Variants in FAM151B observed in about 807,000 individuals in gnomAD.
FAM151B encodes protein FAM151B.
A neutral mutation model predicts 31.2 loss-of-function variants in FAM151B; 24 were observed. The ratio of observed to expected loss-of-function variants is 0.77; its 90% CI spans 0.56 to 1.08. The LOEUF (loss-of-function observed/expected upper bound fraction) is 1.08. Ranked by LOEUF, FAM151B falls within the 50% of genes least tolerant of loss-of-function variation. FAM151B has a pLI of 0.00. For synonymous variants in FAM151B, 105 were observed against 111.4 expected (o/e 0.94, Z 0.36); for missense variants, 293 against 328.6 (o/e 0.89, Z 0.84).
intron 3 of FAM151B, among the ~76,000 whole-genome samples, chr5:80,518,075 G>GAAAA (rs796173147): frequency 2.7e-5 from 2 of 72,786 alleles, no homozygotes; most frequent in African/African-American, 5.7e-5. Flanking sequence ...CCATCTCAAA[G>GAAAA]AAAAAAAAAA....
At chr5:80,526,382 C>A (rs909811128) in intron 5 of FAM151B, among the ~76,000 whole-genome samples, 1 of 150,224 alleles carries the variant, frequency 6.7e-6, no homozygotes, top group African/African-American at 2.5e-5. Flanking sequence ...CCAAGGCGGG[C>A]GGATCACCTG....
intron 2 of FAM151B, among the ~76,000 whole-genome samples, chr5:80,512,394 ATG>A (rs1025572174): frequency 5.3e-5 from 8 of 152,210 alleles, no homozygotes; most frequent in Non-Finnish European, 7.3e-5. Flanking sequence ...GCTTGCAAAA[ATG>A]TGTGTTATTA....
chr5:80,495,508 T>C (rs898252883), intron 1 of FAM151B, among the ~76,000 whole-genome samples: 4 of 152,048 alleles, frequency 2.6e-5, no homozygotes, highest in African/African-American at 4.8e-5. Context: ...AATACTTCAA[T>C]AGAGGATGTA....
chr5:80,530,826 T>C, intron 5 of FAM151B, among the ~76,000 whole-genome samples: 1 of 152,160 alleles, frequency 6.6e-6, no homozygotes, highest in Non-Finnish European at 1.5e-5. Flanking sequence ...GTAATTTATA[T>C]GTTCAATGCC....
At chr5:80,524,202 T>C (rs1744849135) in intron 5 of FAM151B, among the ~76,000 whole-genome samples, 2 of 152,132 alleles carry the variant, frequency 1.3e-5, no homozygotes, top group South Asian at 4.1e-4. Context: ...GACATAATAC[T>C]CAGATAATCA....
intron 4 of FAM151B, 80 bp from the exon 5 acceptor site, chr5:80,521,923 T>G: frequency 9.9e-7 from 1 of 1,007,874 alleles, no homozygotes; most frequent in Non-Finnish European, 1.4e-6. Context: ...TTTTACCTAA[T>G]TATAGGTAAT....
intron 5 of FAM151B, among the ~76,000 whole-genome samples, chr5:80,527,686 C>G (rs1350379620): frequency 1.3e-5 from 2 of 152,040 alleles, no homozygotes; most frequent in Admixed American, 6.6e-5. Flanking sequence ...AATGGCACAC[C>G]TGTGTAGGGC....
intron 5 of FAM151B, among the ~76,000 whole-genome samples, chr5:80,541,411 G>A (rs1745882103): frequency 6.6e-6 from 1 of 152,146 alleles, no homozygotes; most frequent in Admixed American, 6.6e-5. Context: ...CCACTCATCT[G>A]GTTTCTTAGT....
At chr5:80,541,385 A>G (rs1745880176) in intron 5 of FAM151B, among the ~76,000 whole-genome samples, 1 of 152,214 alleles carries the variant, frequency 6.6e-6, no homozygotes, top group Non-Finnish European at 1.5e-5. Context: ...TTCCAAAATT[A>G]GAACCATTTC....
chr5:80,510,697 T>C (rs961514773), intron 2 of FAM151B: 1 of 152,210 alleles, frequency 6.6e-6, no homozygotes, highest in African/African-American at 2.4e-5. Flanking sequence ...CCAGTAAAGT[T>C]TGTCTTTTTC....
At chr5:80,490,074 A>G (rs1204238740) in intron 1 of FAM151B, among the ~76,000 whole-genome samples, 1 of 145,872 alleles carries the variant, frequency 6.9e-6, no homozygotes, top group Non-Finnish European at 1.5e-5. Flanking sequence ...AAAAAGTTCA[A>G]AAGGCACAAT....
intron 5 of FAM151B, among the ~76,000 whole-genome samples, chr5:80,531,549 CA>C (rs1322999500): frequency 6.6e-6 from 1 of 152,020 alleles, no homozygotes; most frequent in East Asian, 1.9e-4. Flanking sequence ...AGAAAAAAAT[CA>C]AACAACCCCA....
At chr5:80,502,546 C>T (rs1743785184) in intron 2 of FAM151B, among the ~76,000 whole-genome samples, 1 of 152,134 alleles carries the variant, frequency 6.6e-6, no homozygotes, top group South Asian at 2.1e-4. Context: ...CTGATTCAAC[C>T]TGTAATCATT....
At chr5:80,522,718 T>C (rs1344195016) in intron 5 of FAM151B, among the ~76,000 whole-genome samples, 1 of 152,154 alleles carries the variant, frequency 6.6e-6, no homozygotes, top group East Asian at 1.9e-4. Flanking sequence ...GCCAAGATCA[T>C]ACAACTGTAC....
chr5:80,501,803 G>A lies in FAM151B; in HGVS notation c.37G>A (p.Glu13Lys). 1.2e-6 allele frequency: 2 copies of A among 1,600,072 alleles called. No individual in the cohort carries two copies. The highest frequency in any genetic ancestry group is 1.7e-6 in the Non-Finnish European group (2 of 1,171,442). ...CACTGTTATTTTAGGATCTTGGAGT[G>A]AAAATATACTGGAATATTTTCTGAG... ...ASAGGPGSWS[E>K]NILEYFLRNS... The change falls in exon 2 of 6, where the codon GAA (glutamate) becomes AAA (lysine). Residue 13 changes from glutamate (E) to lysine (K), a missense_variant. Coordinates refer to ENST00000282226, the MANE Select transcript of FAM151B (RefSeq NM_205548.3).
intron 1 of FAM151B, among the ~76,000 whole-genome samples, chr5:80,490,019 T>TACACACACACAC (rs71601587): frequency 0.079 from 11,391 of 144,544 alleles, 548 homozygotes; most frequent in East Asian, 0.12. Context: ...TTTTCCCCCT[T>TACACACACACAC]ACACACACAC....
At chr5:80,516,317 G>C (rs1468550061) in intron 3 of FAM151B, among the ~76,000 whole-genome samples, 1 of 151,918 alleles carries the variant, frequency 6.6e-6, no homozygotes. Flanking sequence ...AGAGTGAAAC[G>C]CCATCTCAAA....
intron 3 of FAM151B, among the ~76,000 whole-genome samples, chr5:80,514,085 G>C (rs1486122552): frequency 6.6e-6 from 1 of 152,154 alleles, no homozygotes; most frequent in Non-Finnish European, 1.5e-5. Flanking sequence ...GAAATTCATT[G>C]AGCTAGTTAA....
intron 1 of FAM151B, among the ~76,000 whole-genome samples, chr5:80,494,523 T>C (rs1186953776): frequency 6.8e-6 from 1 of 147,188 alleles, no homozygotes; most frequent in Non-Finnish European, 1.5e-5. Context: ...TTTCTTTCTT[T>C]CTTTTTTAAG....
Sources: allele counts gnomAD v4.1 joint callset (sites outside exome capture counted in the v4.1 genomes callset), GRCh38; gene constraint gnomAD v4.1.1; transcripts MANE v1.5; gene names NCBI Gene and HGNC (gene_info 2026-07-23, HGNC 2026-07-21).